The following TRPM3 variants were observed in gnomAD, a reference collection of about 807,000 sequenced individuals.
TRPM3 encodes the protein transient receptor potential cation channel subfamily M member 3.
In TRPM3, 77 loss-of-function variants were observed where a neutral mutation model predicts 181.2. The ratio of observed to expected loss-of-function variants is 0.42; its 90% CI spans 0.35 to 0.51. TRPM3 has a LOEUF of 0.51. Ranked by LOEUF, TRPM3 falls within the 20% of genes least tolerant of loss-of-function variation. The pLI is 0.01. For missense variants in TRPM3, 1,759 were observed against 2,196.7 expected (o/e 0.80, Z 3.98); for synonymous variants, 745 against 796.4 (o/e 0.94, Z 1.09).
chr9:71,264,984 G>C (rs2083290374), intron 1 of TRPM3, among the ~76,000 whole-genome samples: 1 of 152,112 alleles, frequency 6.6e-6, no homozygotes, highest in Admixed American at 6.5e-5. Context: ...ACTAGAGAAA[G>C]AATGTTTTAA....
intron 1 of TRPM3, among the ~76,000 whole-genome samples, chr9:71,406,363 C>T (rs528601871): frequency 1.7e-3 from 253 of 152,240 alleles, no homozygotes; most frequent in African/African-American, 5.8e-3. Flanking sequence ...AAATTGTCCT[C>T]AAGGAATAAA....
intron 1 of TRPM3, among the ~76,000 whole-genome samples, chr9:71,087,150 A>T (rs1029913977): frequency 6.6e-5 from 10 of 151,966 alleles, no homozygotes; most frequent in African/African-American, 2.4e-4. Context: ...CCTCAGCAAG[A>T]ACTTTTTAAC....
intron 21 of TRPM3, among the ~76,000 whole-genome samples, chr9:70,596,822 G>A (rs1005036139): frequency 2.0e-5 from 3 of 151,816 alleles, no homozygotes; most frequent in South Asian, 2.1e-4. Flanking sequence ...TTCTGTTTTC[G>A]AGAAAAAAAT....
rs144276597 is a variant in TRPM3 at position 70,594,122 on chromosome 9, T to TAAA, written c.3049-2920_3049-2918dup. Among the ~76,000 whole-genome samples the TAAA allele has an allele frequency of 6.6e-3, 976 of 147,644 alleles. 5 individuals are homozygous for TAAA. Among genetic ancestry groups the TAAA allele is most frequent in the African/African-American group, 0.019 (764 of 40,518 alleles). On this transcript the variant is annotated intron_variant, in intron 21 of 25. Transcript: ENST00000677713. ...AACAAAATAAAGGCTTCCTAAATGT[T>TAAA]AAAAAGAAAGAAAGAAAGAAAAAGA...
intron 1 of TRPM3, among the ~76,000 whole-genome samples, chr9:71,340,687 C>T (rs768144197): frequency 2.0e-5 from 3 of 151,982 alleles, no homozygotes; most frequent in Admixed American, 6.6e-5. Context: ...GTGTGAAAAC[C>T]GACTAATACA....
chr9:70,904,085 G>A (rs1336259052), intron 1 of TRPM3, among the ~76,000 whole-genome samples: 1 of 152,150 alleles, frequency 6.6e-6, no homozygotes, highest in Non-Finnish European at 1.5e-5. Flanking sequence ...AGCAAGGCAT[G>A]GTGGTGCACA....
At chr9:71,205,000 G>T (rs986206966) in intron 1 of TRPM3, among the ~76,000 whole-genome samples, 7 of 151,978 alleles carry the variant, frequency 4.6e-5, no homozygotes, top group Non-Finnish European at 8.8e-5. Flanking sequence ...ACTCATAGAT[G>T]GGAATTGAAC....
chr9:71,181,174 T>C (rs2077379022), intron 1 of TRPM3, among the ~76,000 whole-genome samples: 1 of 152,000 alleles, frequency 6.6e-6, no homozygotes, highest in African/African-American at 2.4e-5. Context: ...ACAAAGGGAT[T>C]ATCACACTCA....
At chr9:71,422,684 A>G (rs942568991) in intron 1 of TRPM3, among the ~76,000 whole-genome samples, 2 of 152,070 alleles carry the variant, frequency 1.3e-5, no homozygotes, top group African/African-American at 4.8e-5. Context: ...AGAAAACTCC[A>G]AAGGAGACAC....
intron 1 of TRPM3, among the ~76,000 whole-genome samples, chr9:71,077,672 C>A (rs1324596971): frequency 3.3e-5 from 5 of 152,034 alleles, no homozygotes; most frequent in African/African-American, 1.2e-4. Context: ...CTGTAACACC[C>A]GTTTTTACCC....
intron 1 of TRPM3, among the ~76,000 whole-genome samples, chr9:71,264,261 G>C (rs1328493608): frequency 6.6e-6 from 1 of 152,114 alleles, no homozygotes; most frequent in East Asian, 1.9e-4. Context: ...AACGCATTGT[G>C]GAATGGTGTG....
chr9:70,748,722 G>A (rs2075617875), intron 8 of TRPM3, among the ~76,000 whole-genome samples: 1 of 152,072 alleles, frequency 6.6e-6, no homozygotes, highest in Non-Finnish European at 1.5e-5. Context: ...ATCTGCCAGA[G>A]TCTTGATCTT....
At chr9:70,616,555 G>T (rs1589355787) in intron 17 of TRPM3, among the ~76,000 whole-genome samples, 4 of 117,506 alleles carry the variant, frequency 3.4e-5, no homozygotes, top group Admixed American at 2.0e-4. Flanking sequence ...TGGATTATGT[G>T]TTATCTGATT....
intron 1 of TRPM3, among the ~76,000 whole-genome samples, chr9:71,168,532 T>G (rs2134769601): frequency 3.2e-5 from 2 of 63,232 alleles, no homozygotes; most frequent in African/African-American, 6.3e-5. Context: ...TTTTTTAAGG[T>G]GTGATTTATT....
Position 70,551,730 on chromosome 9 carries a change from C to T in TRPM3, c.3574+1114G>A, listed in dbSNP as rs1045500244. Among the ~76,000 whole-genome samples the T allele has an allele frequency of 7.2e-5, 11 of 152,280 alleles. No individual in the cohort carries two copies. The East Asian group carries it at 2.1e-3, about 29-fold the overall frequency. On this transcript the variant is annotated intron_variant, in intron 24 of 25. Coordinates refer to ENST00000677713, the MANE Select transcript of TRPM3 (RefSeq NM_001366145.2). ...CAGGCTATCATTCATTAGAGCATCC[C>T]GCTGCCCCTGATTTTGTATCCCATG...
At chr9:70,744,340 A>AG (rs1192012544) in intron 8 of TRPM3, among the ~76,000 whole-genome samples, 2 of 151,332 alleles carry the variant, frequency 1.3e-5, no homozygotes, top group Non-Finnish European at 2.9e-5. Flanking sequence ...AAAAAAAAAA[A>AG]AGTAAAAAGA....
chr9:71,383,387 G>A (rs915465303), intron 1 of TRPM3, among the ~76,000 whole-genome samples: 3 of 151,974 alleles, frequency 2.0e-5, no homozygotes, highest in Non-Finnish European at 2.9e-5. Flanking sequence ...GCATCTATTT[G>A]CATCTTTGAC....
At chr9:71,359,272 C>T (rs970774837) in intron 1 of TRPM3, among the ~76,000 whole-genome samples, 1 of 152,220 alleles carries the variant, frequency 6.6e-6, no homozygotes, top group African/African-American at 2.4e-5. Context: ...AAGGGGAAAT[C>T]TCACAAACTG....
At chr9:71,414,938 T>G (rs1465152955) in intron 1 of TRPM3, among the ~76,000 whole-genome samples, 1 of 152,070 alleles carries the variant, frequency 6.6e-6, no homozygotes, top group East Asian at 1.9e-4. Context: ...CTTAAAGATA[T>G]GAGGTTATAA....
Sources: allele counts gnomAD v4.1 joint callset (sites outside exome capture counted in the v4.1 genomes callset), GRCh38; gene constraint gnomAD v4.1.1; transcripts MANE v1.5; gene names NCBI Gene and HGNC (gene_info 2026-07-23, HGNC 2026-07-21).